Variants in KCNH7 observed in about 807,000 individuals in gnomAD.
The protein encoded by KCNH7 is potassium voltage-gated channel subfamily H member 7, also known as voltage-gated inwardly rectifying potassium channel KCNH7.
Under a neutral mutation model 120.8 loss-of-function variants are expected in KCNH7, and 49 were observed. The ratio of observed to expected loss-of-function variants is 0.41; its 90% CI spans 0.32 to 0.51. The LOEUF is 0.51. KCNH7 is among the 20% of genes least tolerant of loss of function. KCNH7 has a pLI of 0.38. For missense variants in KCNH7, 1,097 were observed against 1,446.6 expected, an observed-to-expected ratio of 0.76 and a Z score of 3.92; for synonymous variants, 547 against 516.1, an observed-to-expected ratio of 1.06 and a Z score of -0.81.
At chr2:162,623,482 T>C (rs1021182943) in intron 2 of KCNH7, among the ~76,000 whole-genome samples, 10 of 152,186 alleles carry the variant, frequency 6.6e-5, no homozygotes, top group Non-Finnish European at 1.3e-4. Flanking sequence ...CTCATTTGAC[T>C]GTAGAACTGC....
intron 2 of KCNH7, among the ~76,000 whole-genome samples, chr2:162,781,962 G>A (rs1030695689): frequency 6.6e-6 from 1 of 152,136 alleles, no homozygotes; most frequent in Non-Finnish European, 1.5e-5. Flanking sequence ...AAATCACGAT[G>A]AAAAACTGAC....
intron 2 of KCNH7, among the ~76,000 whole-genome samples, chr2:162,792,292 G>C (rs1683976617): frequency 6.6e-6 from 1 of 151,792 alleles, no homozygotes; most frequent in South Asian, 2.1e-4. Flanking sequence ...ATGATACTGG[G>C]TCATAGAATG....
chr2:162,815,115 A>G (rs1330585113), intron 2 of KCNH7, among the ~76,000 whole-genome samples: 1 of 152,212 alleles, frequency 6.6e-6, no homozygotes, highest in African/African-American at 2.4e-5. Context: ...TAAAATAAGT[A>G]ACCTCTTCAA....
At chr2:162,656,517 G>A (rs547986397) in intron 2 of KCNH7, among the ~76,000 whole-genome samples, 41 of 152,146 alleles carry the variant, frequency 2.7e-4, no homozygotes, top group Non-Finnish European at 5.3e-4. Context: ...GAGGAAGCAT[G>A]AAAAGTCATT....
intron 2 of KCNH7, among the ~76,000 whole-genome samples, chr2:162,799,775 T>C (rs1439070989): frequency 1.3e-5 from 2 of 151,964 alleles, no homozygotes; most frequent in Non-Finnish European, 2.9e-5. Flanking sequence ...AAGGACATTT[T>C]CATTTTTGGT....
chr2:162,705,624 G>T (rs1202780704), intron 2 of KCNH7, among the ~76,000 whole-genome samples: 2 of 151,996 alleles, frequency 1.3e-5, no homozygotes, highest in Admixed American at 1.3e-4. Context: ...GTCCAATAAT[G>T]ATACTTATTA....
chr2:162,373,476 G>A lies in KCNH7; in HGVS notation c.3318C>T (p.Ser1106=), dbSNP rs1558912615. 6.6e-7 allele frequency: 1 copy of A among 1,526,336 alleles called. No individual in the cohort carries two copies. Among genetic ancestry groups the A allele is most frequent in the Non-Finnish European group, 8.8e-7 (1 of 1,134,204 alleles). 94.5% of individuals were successfully genotyped at this position (1,526,336 alleles called of 1,614,324 possible). A position where few individuals can be genotyped will look rare whatever the true frequency, so the allele number is the denominator to read the frequency against. The change falls in exon 15 of 16, where the codon TCC becomes TCT. Residue 1106 remains serine, a synonymous_variant. Transcript: ENST00000332142. ...SIKTDRSFSP[S]SQCPEFLDLE... ...GGATGGTATCCACACTTACTTGTGAGGAAGGGCTGAAACTTCGGTCAGTTT... is the reference window on the plus strand; with the variant it reads ...GGATGGTATCCACACTTACTTGTGAAGAAGGGCTGAAACTTCGGTCAGTTT...
Position 162,435,580 on chromosome 2 carries a change from A to C in KCNH7, c.1572T>G (p.Gly524=). The change falls in exon 8 of 16, where the codon GGT becomes GGG. Residue 524 remains glycine, a synonymous_variant. Coordinates refer to ENST00000332142, the MANE Select transcript of KCNH7 (RefSeq NM_033272.4). Reference sequence around the variant, plus strand: ...GGAGGAGTCGGGCAGTCTTCAAAAGACCAATTAATGTTGTTGTCTGTAGAA... The same window carrying C: ...GGAGGAGTCGGGCAGTCTTCAAAAGCCCAATTAATGTTGTTGTCTGTAGAA... ...SGSDETTTLI[G]LLKTARLLRL... 1 of 1,595,770 alleles carries C rather than the reference A, an allele frequency of 6.3e-7. No homozygotes were observed. The highest frequency in any genetic ancestry group is 1.7e-4 in the Middle Eastern group (1 of 5,932).
At position 162,400,332 on chromosome 2, in the gene KCNH7, C is replaced by G. The variant is rs1182087787; in HGVS notation, c.2264G>C (p.Arg755Thr). Residue 755 changes from arginine to threonine, a missense_variant, in exon 10 of 16, where the codon AGA becomes ACA. Physicochemically the swap from Arg to Thr is moderately conservative, Grantham distance 71. This residue lies in a region of KCNH7 where 101 missense variants were observed against 176.3 expected (regional missense o/e 0.57). Transcript: ENST00000332142. ...AFRGASKGCL[R>T]ALAMKFKTTH... ...GGTTTTGAACTTCATTGCCAAAGCT[C>G]TAAGGCAACCTTTACTTGCCCCCCG... is the stretch of plus-strand genomic sequence containing the variant. 1 of 1,612,430 alleles carries G rather than the reference C, an allele frequency of 6.2e-7. No homozygotes were observed. Among genetic ancestry groups the G allele is most frequent in the African/African-American group, 1.3e-5 (1 of 74,852 alleles).
chr2:162,742,247 G>T (rs7560710), intron 2 of KCNH7, among the ~76,000 whole-genome samples: 7,478 of 152,176 alleles, frequency 0.049, 543 homozygotes, highest in African/African-American at 0.16. Context: ...AGAATGACAC[G>T]AAGAGTTGGT....
intron 6 of KCNH7, among the ~76,000 whole-genome samples, chr2:162,479,795 G>C (rs1392401620): frequency 6.6e-6 from 1 of 151,966 alleles, no homozygotes; most frequent in East Asian, 1.9e-4. Flanking sequence ...GATGCCTTTG[G>C]AGAAGCATTG....
chr2:162,622,035 C>T (rs980441688), intron 2 of KCNH7, among the ~76,000 whole-genome samples: 1 of 152,184 alleles, frequency 6.6e-6, no homozygotes, highest in African/African-American at 2.4e-5. Context: ...GTTTGCTATT[C>T]TATTTCTGCA....
chr2:162,619,367 G>GA (rs1683259197), intron 2 of KCNH7, among the ~76,000 whole-genome samples: 2 of 151,720 alleles, frequency 1.3e-5, no homozygotes, highest in South Asian at 4.1e-4. Flanking sequence ...GGGTAATACT[G>GA]AAAAGTTCTT....
chr2:162,579,065 A>C (rs1410741684), intron 2 of KCNH7, among the ~76,000 whole-genome samples: 2 of 151,932 alleles, frequency 1.3e-5, no homozygotes, highest in East Asian at 3.9e-4. Flanking sequence ...ATGAAGAAAA[A>C]TGTGTCAGTT....
At chr2:162,690,256 T>C (rs538775779) in intron 2 of KCNH7, among the ~76,000 whole-genome samples, 64 of 152,038 alleles carry the variant, frequency 4.2e-4, no homozygotes, top group Non-Finnish European at 7.7e-4. Flanking sequence ...AGGAAGAGAA[T>C]CAGGAAAAAT....
chr2:162,791,351 T>C (rs190127971), intron 2 of KCNH7, among the ~76,000 whole-genome samples: 5 of 152,240 alleles, frequency 3.3e-5, no homozygotes, highest in East Asian at 3.9e-4. Context: ...AGGAATACTA[T>C]TGAATTTCTA....
intron 8 of KCNH7, among the ~76,000 whole-genome samples, chr2:162,428,806 T>A (rs904320375): frequency 6.6e-6 from 1 of 151,902 alleles, no homozygotes; most frequent in Non-Finnish European, 1.5e-5. Context: ...TAACGCTACA[T>A]TGTCTGAAGT....
chr2:162,559,094 A>G (rs1692969220), intron 2 of KCNH7, among the ~76,000 whole-genome samples: 1 of 151,672 alleles, frequency 6.6e-6, no homozygotes, highest in Non-Finnish European at 1.5e-5. Context: ...AACAAAAAAC[A>G]AAAAACAATA....
intron 2 of KCNH7, among the ~76,000 whole-genome samples, chr2:162,702,228 A>G (rs1457991211): frequency 6.6e-6 from 1 of 152,162 alleles, no homozygotes; most frequent in African/African-American, 2.4e-5. Flanking sequence ...TGATAGTGAT[A>G]AGAACAATAT....
Sources: gnomAD v4.1 joint callset for allele counts (sites outside exome capture counted in the v4.1 genomes callset) on GRCh38, gnomAD v4.1.1 for gene constraint, gnomAD v4.1.1 regional missense constraint, MANE v1.5 for transcripts, NCBI Gene and HGNC (gene_info 2026-07-23, HGNC 2026-07-21) for gene names.